Variants in PIK3C2G observed in about 807,000 individuals in gnomAD.
PIK3C2G encodes the protein phosphatidylinositol-4-phosphate 3-kinase catalytic subunit type 2 gamma, also known as phosphatidylinositol 3-kinase C2 domain-containing subunit gamma.
A neutral mutation model predicts 181.1 loss-of-function variants in PIK3C2G; 168 were observed. The observed-to-expected ratio is 0.93, with a 90% CI of 0.82 to 1.05. The LOEUF is 1.05. Ranked by LOEUF, PIK3C2G falls within the 50% of genes least tolerant of loss-of-function variation. PIK3C2G has a pLI of 0.00. For synonymous variants in PIK3C2G, 573 were observed against 592.2 expected (o/e 0.97, Z 0.47); for missense variants, 1,869 against 1,732.8 (o/e 1.08, Z -1.40).
intron 1 of PIK3C2G, among the ~76,000 whole-genome samples, chr12:18,268,340 T>G (rs971266470): frequency 2.0e-5 from 3 of 152,182 alleles, no homozygotes; most frequent in Non-Finnish European, 4.4e-5. Flanking sequence ...CCAGATACCA[T>G]TCTACAGCAA....
chr12:18,560,146 T>TA (rs1305774864), intron 26 of PIK3C2G, among the ~76,000 whole-genome samples: 1 of 151,916 alleles, frequency 6.6e-6, no homozygotes, highest in Non-Finnish European at 1.5e-5. Flanking sequence ...AATTTTTTTT[T>TA]AATCACTATG....
chr12:18,696,322 C>CTATATATATATATA, the PIK3C2G span: 753 of 267,588 alleles, frequency 2.8e-3, 54 homozygotes, highest in African/African-American at 0.028. Flanking sequence ...TAAAAAGCCA[C>CTATATATATATATA]TATATATATA....
At chr12:18,504,770 C>T (rs1466291784) in intron 23 of PIK3C2G, among the ~76,000 whole-genome samples, 1 of 152,136 alleles carries the variant, frequency 6.6e-6, no homozygotes, top group African/African-American at 2.4e-5. Context: ...TGTACTATAC[C>T]AAACAGCTTC....
chr12:18,343,469 A>G, intron 10 of PIK3C2G, 109 bp downstream of exon 10: 2 of 413,090 alleles, frequency 4.8e-6, no homozygotes, highest in East Asian at 4.4e-5. Flanking sequence ...AACACACAAC[A>G]CACACACACA....
Position 18,391,231 on chromosome 12 carries a change from C to T in PIK3C2G, c.2105C>T (p.Ser702Leu). The change falls in exon 15 of 33, where the codon TCA becomes TTA. Residue 702 changes from serine to leucine, a missense_variant. Transcript: ENST00000538779. ...KECIKHIARL[S>L]QKQTPLLLSE... Reference sequence around the variant, plus strand: ...TGTATAAAACATATTGCCAGACTTTCACAGAAACAGACTCCCCTACTGTAA... The same window carrying T: ...TGTATAAAACATATTGCCAGACTTTTACAGAAACAGACTCCCCTACTGTAA... 1 of 1,594,548 alleles carries T rather than the reference C, an allele frequency of 6.3e-7. No individual in the cohort carries two copies. Among genetic ancestry groups the T allele is most frequent in the Non-Finnish European group, 8.5e-7 (1 of 1,170,860 alleles).
At chr12:18,546,464 T>C in intron 26 of PIK3C2G, 32 bp downstream of exon 26, 1 of 1,140,656 alleles carries the variant, frequency 8.8e-7, no homozygotes, top group South Asian at 1.3e-5. Flanking sequence ...TGAGCATGCA[T>C]GCATGAATGT....
chr12:18,660,103 G>A, the PIK3C2G span, among the ~76,000 whole-genome samples: 1 of 152,088 alleles, frequency 6.6e-6, no homozygotes, highest in Non-Finnish European at 1.5e-5. Flanking sequence ...AAATATTTTG[G>A]AATCTTGGAG....
chr12:18,570,670 T>C (rs1945886791), intron 29 of PIK3C2G, among the ~76,000 whole-genome samples: 1 of 150,038 alleles, frequency 6.7e-6, no homozygotes, highest in Admixed American at 6.6e-5. Context: ...GGCAAGCAGG[T>C]GCAGGTTCTA....
intron 11 of PIK3C2G, among the ~76,000 whole-genome samples, chr12:18,349,312 G>A (rs558449153): frequency 6.6e-6 from 1 of 152,132 alleles, no homozygotes; most frequent in Non-Finnish European, 1.5e-5. Context: ...CTGACAAACT[G>A]AGGGGGTAAA....
intron 28 of PIK3C2G, among the ~76,000 whole-genome samples, chr12:18,565,346 T>C (rs1945573212): frequency 6.6e-6 from 1 of 152,170 alleles, no homozygotes; most frequent in Non-Finnish European, 1.5e-5. Context: ...GTACACGACA[T>C]GAAAATATTC....
intron 22 of PIK3C2G, among the ~76,000 whole-genome samples, chr12:18,501,470 G>A (rs1022884373): frequency 6.6e-6 from 1 of 152,124 alleles, no homozygotes; most frequent in Non-Finnish European, 1.5e-5. Context: ...GGATTATGGG[G>A]ATTATAAATT....
At chr12:18,600,444 C>G (rs12309367) in intron 30 of PIK3C2G, among the ~76,000 whole-genome samples, 1 of 151,680 alleles carries the variant, frequency 6.6e-6, no homozygotes, top group Non-Finnish European at 1.5e-5. Context: ...AGTTACAAAC[C>G]AAACCAAATA....
intron 29 of PIK3C2G, among the ~76,000 whole-genome samples, chr12:18,592,389 A>G (rs76028618): frequency 0.01 from 1,560 of 151,960 alleles, 14 homozygotes; most frequent in African/African-American, 0.023. Flanking sequence ...AAAAGCAAAG[A>G]CAAGACAGAA....
At chr12:18,466,961 C>T (rs1365078262) in intron 18 of PIK3C2G, among the ~76,000 whole-genome samples, 1 of 151,984 alleles carries the variant, frequency 6.6e-6, no homozygotes, top group Non-Finnish European at 1.5e-5. Flanking sequence ...TGCAATAGTG[C>T]ATTTCTTAAA....
chr12:18,464,725 G>T (rs904659775), intron 18 of PIK3C2G, among the ~76,000 whole-genome samples: 2 of 151,886 alleles, frequency 1.3e-5, no homozygotes, highest in Non-Finnish European at 2.9e-5. Flanking sequence ...TGCAAATTTT[G>T]TGTGGGCAAA....
At chr12:18,511,776 A>G (rs574912410) in intron 24 of PIK3C2G, among the ~76,000 whole-genome samples, 22 of 151,920 alleles carry the variant, frequency 1.4e-4, no homozygotes, top group African/African-American at 5.3e-4. Flanking sequence ...CCATCTCTTC[A>G]GTTTGCTAAT....
intron 12 of PIK3C2G, among the ~76,000 whole-genome samples, chr12:18,367,534 T>C (rs1162967094): frequency 6.6e-6 from 1 of 152,030 alleles, no homozygotes. Context: ...AGAGACTGGG[T>C]AATTTTTTAT....
At chr12:18,683,186 T>G in the PIK3C2G span, 1 of 1,443,430 alleles carries the variant, frequency 6.9e-7, no homozygotes, top group Non-Finnish European at 9.7e-7. Context: ...GACATTCATT[T>G]TGGCTGTTTT....
the PIK3C2G span, among the ~76,000 whole-genome samples, chr12:18,725,339 G>A: frequency 2.0e-5 from 3 of 152,058 alleles, no homozygotes; most frequent in African/African-American, 4.8e-5. Context: ...GCTGAGGCAC[G>A]TGACAGCAGC....
Sources: gnomAD v4.1 joint callset for allele counts (sites outside exome capture counted in the v4.1 genomes callset) on GRCh38, gnomAD v4.1.1 for gene constraint, MANE v1.5 for transcripts, NCBI Gene and HGNC (gene_info 2026-07-23, HGNC 2026-07-21) for gene names.